The following WASL variants were observed in gnomAD, a reference collection of about 807,000 sequenced individuals.
The protein encoded by WASL is WASP like actin nucleation promoting factor, also known as actin nucleation-promoting factor WASL.
In WASL, 20 loss-of-function variants were observed where a neutral mutation model predicts 55.5. The observed-to-expected ratio is 0.36, with a 90% CI of 0.25 to 0.52. The LOEUF (loss-of-function observed/expected upper bound fraction) is 0.52, where lower values mean the gene tolerates loss of function less well. Among genes scored for constraint, WASL ranks in the 20% least tolerant of loss-of-function variants. The pLI is 0.92. For synonymous variants in WASL, 249 were observed against 217.6 expected, an observed-to-expected ratio of 1.14 and a Z score of -1.27; for missense variants, 504 against 622.5, an observed-to-expected ratio of 0.81 and a Z score of 2.03.
chr7:123,731,593 A>G (rs1217270585), intron 1 of WASL, among the ~76,000 whole-genome samples: 1 of 152,218 alleles, frequency 6.6e-6, no homozygotes, highest in African/African-American at 2.4e-5. Context: ...AAGAATAGAA[A>G]TCACACAAAG....
chr7:123,716,672 G>A (rs772534760), intron 1 of WASL, among the ~76,000 whole-genome samples: 64 of 151,884 alleles, frequency 4.2e-4, no homozygotes, highest in Non-Finnish European at 6.3e-4. Context: ...AGAGAAAGAG[G>A]GAGGCAGGAA....
At chr7:123,737,231 G>A (rs982255781) in intron 1 of WASL, among the ~76,000 whole-genome samples, 1 of 152,112 alleles carries the variant, frequency 6.6e-6, no homozygotes, top group Non-Finnish European at 1.5e-5. Flanking sequence ...ACCGTCCTGG[G>A]CCACATGCAG....
intron 1 of WASL, among the ~76,000 whole-genome samples, chr7:123,735,416 A>G (rs1171971066): frequency 6.6e-6 from 1 of 151,860 alleles, no homozygotes; most frequent in African/African-American, 2.4e-5. Context: ...CCATAGTGAA[A>G]ATAGGAATAA....
In WASL at chr7:123,689,032, C is replaced by CTCTT. The variant is rs1554403513; in HGVS notation, c.1456+9_1456+10insAAGA. On this transcript the variant is annotated intron_variant, in intron 10 of 10. Transcript: ENST00000223023. Reference sequence around the variant, plus strand: ...TCTCTCTCTCTCTCTCTCTCTCTCTCTCTCTCTACCTGAAGAATGAATGGC... The same window carrying CTCTT: ...TCTCTCTCTCTCTCTCTCTCTCTCTCTCTTTCTCTCTACCTGAAGAATGAATGGC... The CTCTT allele has an allele frequency of 6.3e-7, 1 of 1,589,874 alleles. No homozygotes were observed. The highest frequency in any genetic ancestry group is 8.6e-7 in the Non-Finnish European group (1 of 1,167,632).
chr7:123,708,003 C>T (rs1393823382), intron 2 of WASL, among the ~76,000 whole-genome samples: 3 of 152,020 alleles, frequency 2.0e-5, no homozygotes, highest in African/African-American at 2.4e-5. Context: ...CTGGGCAAAA[C>T]AGCAGAACCC....
chr7:123,731,212 TA>T (rs1282149794), intron 1 of WASL, among the ~76,000 whole-genome samples: 2 of 151,684 alleles, frequency 1.3e-5, no homozygotes, highest in Admixed American at 1.3e-4. Flanking sequence ...ATACCAAGGA[TA>T]AAAAGGGACA....
chr7:123,702,931 T>C (rs1462552928), intron 5 of WASL, among the ~76,000 whole-genome samples: 1 of 152,194 alleles, frequency 6.6e-6, no homozygotes, highest in African/African-American at 2.4e-5. Context: ...TGGGGTTACT[T>C]TCCCCAAAGT....
intron 3 of WASL, 106 bp from the exon 4 acceptor site, chr7:123,706,479 A>C: frequency 9.5e-7 from 1 of 1,047,852 alleles, no homozygotes; most frequent in East Asian, 2.6e-5. Context: ...ACGAAAGGTT[A>C]ATTTTACTAG....
chr7:123,715,188 T>C (rs879261272), intron 1 of WASL, among the ~76,000 whole-genome samples: 1 of 152,200 alleles, frequency 6.6e-6, no homozygotes, highest in Non-Finnish European at 1.5e-5. Flanking sequence ...CCTCCACTTA[T>C]GCTGGATTTG....
At chr7:123,700,895 C>A (rs1275391328) in intron 5 of WASL, among the ~76,000 whole-genome samples, 1 of 152,162 alleles carries the variant, frequency 6.6e-6, no homozygotes, top group Non-Finnish European at 1.5e-5. Context: ...TATTTACTAA[C>A]AACTTACAGA....
chr7:123,733,058 T>C (rs1055205368), intron 1 of WASL, among the ~76,000 whole-genome samples: 1 of 152,204 alleles, frequency 6.6e-6, no homozygotes, highest in African/African-American at 2.4e-5. Context: ...GCTAACCCCA[T>C]ACTTACTGGA....
chr7:123,716,641 G>C (rs565435661), intron 1 of WASL, among the ~76,000 whole-genome samples: 6 of 151,874 alleles, frequency 4.0e-5, no homozygotes, highest in Non-Finnish European at 7.4e-5. Context: ...TGGAGGGAGA[G>C]AGAGGTAAAG....
At chr7:123,694,587 T>A (rs2053063341) in intron 8 of WASL, 128 bp downstream of exon 8, 2 of 872,624 alleles carry the variant, frequency 2.3e-6, no homozygotes, top group Non-Finnish European at 1.8e-6. Flanking sequence ...ATGGGCCACA[T>A]TAGTTGTCCA....
At chr7:123,709,448 T>A (rs552057373) in intron 1 of WASL, among the ~76,000 whole-genome samples, 1 of 152,204 alleles carries the variant, frequency 6.6e-6, no homozygotes, top group Non-Finnish European at 1.5e-5. Context: ...TAACAATAAT[T>A]ACTGAAAACA....
intron 1 of WASL, among the ~76,000 whole-genome samples, chr7:123,732,260 G>A (rs1196644460): frequency 6.6e-6 from 1 of 152,218 alleles, no homozygotes; most frequent in East Asian, 1.9e-4. Flanking sequence ...AACCCGGGAG[G>A]CGGAGCTTGC....
chr7:123,748,992 T>C lies in WASL; in HGVS notation c.-258A>G. 1 of 486,502 alleles carries C rather than the reference T, an allele frequency of 2.1e-6. No homozygotes were observed. The highest frequency in any genetic ancestry group is 3.6e-6 in the Non-Finnish European group (1 of 277,836). The allele number at this position is 486,502 out of a possible 1,614,324, so 30.1% of individuals were successfully genotyped here. A position where few individuals can be genotyped will look rare whatever the true frequency, so the allele number is the denominator to read the frequency against. ...GGCCGGATGGTCGTTGTCCTCGCACTCCGGCGACTGCGCTAAACTCCCAAC... is the reference window on the plus strand; with the variant it reads ...GGCCGGATGGTCGTTGTCCTCGCACCCCGGCGACTGCGCTAAACTCCCAAC... On this transcript the variant is annotated 5_prime_UTR_variant, in exon 1 of 11. Transcript: ENST00000223023.
At chr7:123,699,527 T>TATA (rs1803545172) in intron 5 of WASL, among the ~76,000 whole-genome samples, 1 of 152,208 alleles carries the variant, frequency 6.6e-6, no homozygotes, top group Non-Finnish European at 1.5e-5. Flanking sequence ...CCACTTTAGC[T>TATA]TATATAAAAG....
intron 1 of WASL, among the ~76,000 whole-genome samples, chr7:123,725,941 A>C (rs1804033775): frequency 6.6e-6 from 1 of 152,210 alleles, no homozygotes; most frequent in African/African-American, 2.4e-5. Flanking sequence ...GGTCACAAGA[A>C]AAGAAGATAA....
intron 5 of WASL, among the ~76,000 whole-genome samples, chr7:123,700,203 A>AAAAAAAAAAAAAC (rs1562959037): frequency 2.1e-4 from 15 of 71,998 alleles, no homozygotes; most frequent in African/African-American, 7.6e-4. Context: ...AAAAAAAAAA[A>AAAAAAAAAAAAAC]AAAACAACAT....
Sources: allele counts gnomAD v4.1 joint callset (sites outside exome capture counted in the v4.1 genomes callset), GRCh38; gene constraint gnomAD v4.1.1; transcripts MANE v1.5; gene names NCBI Gene and HGNC (gene_info 2026-07-23, HGNC 2026-07-21).